Variants in ITGBL1 observed in about 807,000 individuals in gnomAD.
The protein encoded by ITGBL1 is integrin subunit beta like 1.
In ITGBL1, 51 loss-of-function variants were observed where a neutral mutation model predicts 68.5. The ratio of observed to expected loss-of-function variants is 0.74; its 90% CI spans 0.59 to 0.94. ITGBL1 has a LOEUF of 0.94. Among genes scored for constraint, ITGBL1 ranks in the 40% least tolerant of loss-of-function variants. The probability of loss-of-function intolerance (pLI) is 0.00; values close to 1 mark genes in which losing one functional copy is unlikely to be tolerated. For missense variants in ITGBL1, 649 were observed against 647.4 expected, an observed-to-expected ratio of 1.00 and a Z score of -0.03; for synonymous variants, 209 against 227.3, an observed-to-expected ratio of 0.92 and a Z score of 0.72.
At chr13:101,657,389 C>T (rs202052350) in intron 7 of ITGBL1, among the ~76,000 whole-genome samples, 7 of 152,196 alleles carry the variant, frequency 4.6e-5, no homozygotes, top group Middle Eastern at 3.4e-3. Context: ...TTTAGGTAAA[C>T]GGTCTGATGT....
intron 2 of ITGBL1, among the ~76,000 whole-genome samples, chr13:101,553,258 T>G (rs564981581): frequency 6.6e-6 from 1 of 152,286 alleles, no homozygotes; most frequent in Non-Finnish European, 1.5e-5. Flanking sequence ...TGTTAAGAAC[T>G]TTTTGCCTTC....
intron 7 of ITGBL1, among the ~76,000 whole-genome samples, chr13:101,660,961 T>G (rs1035229049): frequency 2.0e-5 from 3 of 152,186 alleles, no homozygotes; most frequent in Non-Finnish European, 4.4e-5. Context: ...GCGGGGAATA[T>G]TTCATCCAGA....
intron 7 of ITGBL1, among the ~76,000 whole-genome samples, chr13:101,682,658 G>A (rs961654906): frequency 1.3e-5 from 2 of 151,576 alleles, no homozygotes; most frequent in African/African-American, 4.8e-5. Flanking sequence ...TTTTTCTTTT[G>A]CTCATTTATT....
intron 2 of ITGBL1, among the ~76,000 whole-genome samples, chr13:101,532,124 A>G (rs2049493957): frequency 6.6e-6 from 1 of 152,012 alleles, no homozygotes; most frequent in Non-Finnish European, 1.5e-5. Flanking sequence ...TAAAGAACGA[A>G]TTTTTTTCAA....
chr13:101,454,194 C>A (rs2048207451), intron 2 of ITGBL1, 94 bp downstream of exon 2: 6 of 823,134 alleles, frequency 7.3e-6, no homozygotes, highest in African/African-American at 3.5e-5. Flanking sequence ...TGGGGACACG[C>A]CTCCCTTCAC....
chr13:101,698,064 C>A (rs1043640068), intron 8 of ITGBL1, among the ~76,000 whole-genome samples: 1 of 152,180 alleles, frequency 6.6e-6, no homozygotes, highest in Non-Finnish European at 1.5e-5. Context: ...CATCATCCCT[C>A]TGTTATGGCT....
At chr13:101,518,492 T>A (rs2049231013) in intron 2 of ITGBL1, among the ~76,000 whole-genome samples, 1 of 152,196 alleles carries the variant, frequency 6.6e-6, no homozygotes, top group Admixed American at 6.5e-5. Context: ...TTTATCTTAA[T>A]CTAATCAGTG....
intron 7 of ITGBL1, among the ~76,000 whole-genome samples, chr13:101,599,198 A>G (rs1046993352): frequency 6.6e-6 from 1 of 151,284 alleles, no homozygotes; most frequent in Non-Finnish European, 1.5e-5. Flanking sequence ...GATGATGAGC[A>G]TTTTTTCATG....
At chr13:101,700,577 T>G (rs1251681692) in intron 8 of ITGBL1, among the ~76,000 whole-genome samples, 1 of 152,204 alleles carries the variant, frequency 6.6e-6, no homozygotes, top group Non-Finnish European at 1.5e-5. Context: ...TTCACTTCCT[T>G]AATATCCTTC....
chr13:101,579,449 C>G, intron 5 of ITGBL1, 22 bp downstream of exon 5: 2 of 1,610,690 alleles, frequency 1.2e-6, no homozygotes, highest in Non-Finnish European at 1.7e-6. Context: ...ATACATGTTA[C>G]TACATAATGG....
intron 2 of ITGBL1, among the ~76,000 whole-genome samples, chr13:101,516,076 T>C (rs1333883078): frequency 1.3e-5 from 2 of 152,170 alleles, no homozygotes; most frequent in African/African-American, 2.4e-5. Context: ...CATTATGTTA[T>C]TCTGGTCTGA....
At chr13:101,540,127 C>G (rs1451384876) in intron 2 of ITGBL1, among the ~76,000 whole-genome samples, 1 of 152,088 alleles carries the variant, frequency 6.6e-6, no homozygotes, top group Non-Finnish European at 1.5e-5. Flanking sequence ...AGTCCTTGCC[C>G]ATGCCTATGT....
intron 2 of ITGBL1, among the ~76,000 whole-genome samples, chr13:101,554,813 A>C (rs185335048): frequency 1.3e-5 from 2 of 152,170 alleles, no homozygotes; most frequent in Non-Finnish European, 1.5e-5. Context: ...TGCATTTCTC[A>C]TACTGGCATC....
intron 2 of ITGBL1, among the ~76,000 whole-genome samples, chr13:101,479,408 CTT>C (rs1442623403): frequency 2.0e-5 from 3 of 152,050 alleles, no homozygotes; most frequent in Non-Finnish European, 1.5e-5. Context: ...GCAAAGATTT[CTT>C]GAGTAATACC....
chr13:101,553,004 C>T (rs916273147), intron 2 of ITGBL1, among the ~76,000 whole-genome samples: 1 of 152,148 alleles, frequency 6.6e-6, no homozygotes, highest in Admixed American at 6.6e-5. Flanking sequence ...TTCAGTGATG[C>T]AATGTTGTTA....
intron 7 of ITGBL1, among the ~76,000 whole-genome samples, chr13:101,666,359 C>T (rs914711757): frequency 1.3e-5 from 2 of 152,086 alleles, no homozygotes. Context: ...TGGGACCGCA[C>T]TGGTTTATCC....
intron 7 of ITGBL1, among the ~76,000 whole-genome samples, chr13:101,680,985 C>CT (rs1451895176): frequency 6.6e-6 from 1 of 152,162 alleles, no homozygotes; most frequent in African/African-American, 2.4e-5. Context: ...CCTGCAGGCC[C>CT]TGTGTGCACG....
intron 7 of ITGBL1, among the ~76,000 whole-genome samples, chr13:101,672,220 G>A (rs1045383068): frequency 3.3e-5 from 5 of 152,206 alleles, no homozygotes; most frequent in Admixed American, 6.5e-5. Context: ...CTTGTTAGAT[G>A]TTGGCCCTGT....
intron 6 of ITGBL1, among the ~76,000 whole-genome samples, chr13:101,586,081 G>T (rs533527022): frequency 2.6e-5 from 4 of 152,204 alleles, no homozygotes; most frequent in African/African-American, 4.8e-5. Context: ...TGCAATTCCC[G>T]CAGCGTGTCA....
Sources: gnomAD v4.1 joint callset for allele counts (sites outside exome capture counted in the v4.1 genomes callset) on GRCh38, gnomAD v4.1.1 for gene constraint, MANE v1.5 for transcripts, NCBI Gene and HGNC (gene_info 2026-07-23, HGNC 2026-07-21) for gene names.